UNC5D: variants seen among roughly 807,000 people sequenced by gnomAD.
UNC5D encodes netrin receptor UNC5D.
UNC5D carries 39 observed loss-of-function variants against 105.4 expected under a neutral mutation model. That is an observed-to-expected ratio of 0.37 (90% CI 0.29 to 0.48). UNC5D has a LOEUF of 0.48. Ranked by LOEUF, UNC5D falls within the 20% of genes least tolerant of loss-of-function variation. The pLI, the probability that UNC5D is intolerant of heterozygous loss-of-function variation, is 0.98. For missense variants in UNC5D, 991 were observed against 1,202.4 expected, an observed-to-expected ratio of 0.82 and a Z score of 2.60; for synonymous variants, 452 against 450.4, an observed-to-expected ratio of 1.00 and a Z score of -0.04.
chr8:35,310,359 G>T (rs895980345), intron 1 of UNC5D, among the ~76,000 whole-genome samples: 2 of 152,178 alleles, frequency 1.3e-5, no homozygotes, highest in African/African-American at 4.8e-5. Flanking sequence ...GGTGGCTCAT[G>T]CCTGTAATCC....
chr8:35,566,736 G>T (rs1330309191), intron 2 of UNC5D, among the ~76,000 whole-genome samples: 1 of 152,154 alleles, frequency 6.6e-6, no homozygotes, highest in Non-Finnish European at 1.5e-5. Flanking sequence ...TGTAAAGAGC[G>T]CATAGGTTCG....
At chr8:35,463,239 T>C (rs914098690) in intron 1 of UNC5D, among the ~76,000 whole-genome samples, 1 of 152,196 alleles carries the variant, frequency 6.6e-6, no homozygotes, top group Non-Finnish European at 1.5e-5. Context: ...CTGTTCCCTT[T>C]ACTGGTGTAG....
intron 1 of UNC5D, among the ~76,000 whole-genome samples, chr8:35,416,059 C>T (rs1256517970): frequency 2.0e-5 from 3 of 152,058 alleles, no homozygotes; most frequent in Non-Finnish European, 2.9e-5. Flanking sequence ...TCTTGGAACA[C>T]AAGGGATAAC....
At chr8:35,528,496 G>A (rs1334988090) in intron 1 of UNC5D, among the ~76,000 whole-genome samples, 10,351 of 134,952 alleles carry the variant, frequency 0.077, 237 homozygotes, top group East Asian at 0.16. Flanking sequence ...GAATAATGCC[G>A]CAATAAACAT....
intron 1 of UNC5D, among the ~76,000 whole-genome samples, chr8:35,375,542 A>G (rs992630699): frequency 2.5e-5 from 3 of 122,222 alleles, no homozygotes; most frequent in Non-Finnish European, 5.1e-5. Flanking sequence ...TGGCAAACCA[A>G]TGCCCATACA....
intron 3 of UNC5D, among the ~76,000 whole-genome samples, chr8:35,579,886 G>A (rs866101350): frequency 6.6e-6 from 1 of 152,198 alleles, no homozygotes; most frequent in Admixed American, 6.5e-5. Flanking sequence ...AGGGGAGCAA[G>A]AGTCAACTCA....
At chr8:35,352,802 G>A (rs991699999) in intron 1 of UNC5D, among the ~76,000 whole-genome samples, 1 of 151,968 alleles carries the variant, frequency 6.6e-6, no homozygotes, top group Non-Finnish European at 1.5e-5. Context: ...TAGTAGAGAC[G>A]GGGTTTCACC....
chr8:35,608,337 T>A (rs1241219953), intron 4 of UNC5D, among the ~76,000 whole-genome samples: 1 of 152,198 alleles, frequency 6.6e-6, no homozygotes, highest in Non-Finnish European at 1.5e-5. Flanking sequence ...TTTATAAATG[T>A]TGTATTATAG....
At chr8:35,730,906 C>T in intron 10 of UNC5D, 106 bp from the exon 11 acceptor site, 2 of 898,408 alleles carry the variant, frequency 2.2e-6, no homozygotes, top group Admixed American at 2.5e-5. Context: ...CATAAATTGC[C>T]ATGAGAAAGT....
rs1285615599 is a variant in UNC5D, at chr8:35,235,535, C to A, written c.-250C>A. The A allele has an allele frequency of 4.3e-5, 15 of 345,616 alleles. No homozygotes were observed. Among genetic ancestry groups the A allele is most frequent in the Non-Finnish European group, 7.3e-5 (14 of 192,680 alleles). The allele number at this position is 345,616 out of a possible 1,614,324, so 21.4% of individuals were successfully genotyped here. A position where few individuals can be genotyped will look rare whatever the true frequency, so the allele number is the denominator to read the frequency against. On this transcript the variant is annotated 5_prime_UTR_variant, in exon 1 of 17. Transcript: ENST00000404895. ...GGAACTGCGCGGCGGGGACTGCGGG[C>A]GACTCCGGCATCCGCGCTGGCGGCA...
intron 4 of UNC5D, among the ~76,000 whole-genome samples, chr8:35,603,667 T>G (rs1385033562): frequency 3.3e-5 from 5 of 152,198 alleles, no homozygotes. Context: ...ATTATTATTG[T>G]GTGGGAGTCT....
Position 35,791,514 on chromosome 8 carries a change from T to C in UNC5D, c.*951T>C, listed in dbSNP as rs1803040739. 6.6e-6 allele frequency: 1 copy of C among 152,142 alleles called. No homozygotes were observed. The highest frequency in any genetic ancestry group is 2.1e-4 in the South Asian group (1 of 4,824). 9.4% of individuals were successfully genotyped at this position (152,142 alleles called of 1,614,324 possible). ...TAGGAGACACGTGTTGATCTAGTTA[T>C]CTAACATTGTTGTTATAAGAAAATG... On this transcript the variant is annotated 3_prime_UTR_variant, in exon 17 of 17. Transcript: ENST00000404895.
At chr8:35,252,111 C>G (rs1024596130) in intron 1 of UNC5D, among the ~76,000 whole-genome samples, 2 of 151,204 alleles carry the variant, frequency 1.3e-5, no homozygotes, top group Non-Finnish European at 2.9e-5. Context: ...AGGCTCTGCC[C>G]CACGGGGTTC....
chr8:35,320,108 G>A (rs573136805), intron 1 of UNC5D, among the ~76,000 whole-genome samples: 1 of 152,188 alleles, frequency 6.6e-6, no homozygotes, highest in East Asian at 1.9e-4. Context: ...GGTGGTTGGG[G>A]TAGAGCTTTG....
intron 4 of UNC5D, among the ~76,000 whole-genome samples, chr8:35,655,556 G>T (rs1016471032): frequency 6.6e-6 from 1 of 152,186 alleles, no homozygotes; most frequent in East Asian, 1.9e-4. Context: ...AACCTAGTTA[G>T]ATATCAGAGA....
chr8:35,464,747 G>C (rs1809172945), intron 1 of UNC5D, among the ~76,000 whole-genome samples: 2 of 152,090 alleles, frequency 1.3e-5, no homozygotes, highest in Non-Finnish European at 2.9e-5. Context: ...GTAGCTTTAA[G>C]TAAATCTACT....
chr8:35,334,476 AT>A (rs890545793), intron 1 of UNC5D, among the ~76,000 whole-genome samples: 19 of 148,934 alleles, frequency 1.3e-4, no homozygotes, highest in South Asian at 2.1e-4. Flanking sequence ...GACTACTTAG[AT>A]TTTTTTTTTG....
chr8:35,544,733 GCTGGGATTA>G (rs1815527824), intron 1 of UNC5D, among the ~76,000 whole-genome samples: 1 of 150,944 alleles, frequency 6.6e-6, no homozygotes, highest in Non-Finnish European at 1.5e-5. Flanking sequence ...CTCCTGAGTA[GCTGGGATTA>G]CAGGCATGTG....
intron 1 of UNC5D, among the ~76,000 whole-genome samples, chr8:35,387,051 A>G (rs898622984): frequency 6.6e-6 from 1 of 151,990 alleles, no homozygotes; most frequent in Non-Finnish European, 1.5e-5. Flanking sequence ...AGCATCACCT[A>G]GGTGCTTGTT....
Sources: allele counts gnomAD v4.1 joint callset (sites outside exome capture counted in the v4.1 genomes callset), GRCh38; gene constraint gnomAD v4.1.1; transcripts MANE v1.5; gene names NCBI Gene and HGNC (gene_info 2026-07-23, HGNC 2026-07-21).